ABHD2: variants seen among roughly 807,000 people sequenced by gnomAD.
ABHD2 encodes abhydrolase domain containing 2, acylglycerol lipase.
In ABHD2, 20 loss-of-function variants were observed where a neutral mutation model predicts 48.1. The observed-to-expected ratio is 0.42, with a 90% confidence interval of 0.29 to 0.60. The LOEUF (loss-of-function observed/expected upper bound fraction) is 0.60. Ranked by LOEUF, ABHD2 falls within the 20% of genes least tolerant of loss-of-function variation. ABHD2 has a pLI of 0.24. For missense variants in ABHD2, 405 were observed against 550.9 expected (o/e 0.74, Z 2.65); for synonymous variants, 209 against 214.2 (o/e 0.98, Z 0.21).
chr15:89,150,370 T>C (rs998790221), intron 3 of ABHD2, among the ~76,000 whole-genome samples: 1 of 152,226 alleles, frequency 6.6e-6, no homozygotes, highest in African/African-American at 2.4e-5. Flanking sequence ...ATTGACATTT[T>C]TATAAGCTTG....
intron 10 of ABHD2, among the ~76,000 whole-genome samples, chr15:89,194,800 A>G (rs2238307): frequency 0.37 from 56,245 of 152,046 alleles, 10,687 homozygotes; most frequent in Non-Finnish European, 0.4. Flanking sequence ...GTTAGGAAAC[A>G]CATTGAATCA....
At chr15:89,138,710 A>G (rs997596907) in intron 3 of ABHD2, among the ~76,000 whole-genome samples, 10 of 152,248 alleles carry the variant, frequency 6.6e-5, no homozygotes, top group African/African-American at 2.4e-4. Context: ...TATTTAATAT[A>G]GAACATTTTG....
At chr15:89,086,682 G>A (rs192175149), upstream of ABHD2, among the ~76,000 whole-genome samples, 344 of 152,322 alleles carry the variant, frequency 2.3e-3, 1 homozygote, top group African/African-American at 7.8e-3. Flanking sequence ...GATTACAGGC[G>A]TGAGCCACTG....
At chr15:89,049,825 T>C in the ABHD2 span, among the ~76,000 whole-genome samples, 3 of 152,182 alleles carry the variant, frequency 2.0e-5, no homozygotes, top group African/African-American at 4.8e-5. Flanking sequence ...GTACCTCAGA[T>C]GGAAATGCAG....
Position 89,195,110 on chromosome 15 carries a change from G to A in ABHD2, c.1082-117G>A. 8.8e-7 allele frequency: 1 copy of A among 1,131,044 alleles called. No individual in the cohort carries two copies. Among genetic ancestry groups the A allele is most frequent in the Non-Finnish European group, 1.3e-6 (1 of 794,854 alleles). 70.1% of individuals were successfully genotyped at this position (1,131,044 alleles called of 1,614,324 possible). ...AAGGCAGAGTGAGTAGAGGTTGGAT[G>A]CCCACTTAGGTGACCCTGCGGGGAC... On this transcript the variant is annotated intron_variant, in intron 10 of 10. Transcript: ENST00000352732. The surrounding 1 kb of genome is among the most constrained non-coding windows in gnomAD (Gnocchi z 5.1).
intron 3 of ABHD2, among the ~76,000 whole-genome samples, chr15:89,117,055 T>C (rs2049971953): frequency 6.6e-6 from 1 of 152,176 alleles, no homozygotes; most frequent in Non-Finnish European, 1.5e-5. Flanking sequence ...AGATAGAGTC[T>C]TGCTCAGTCA....
At chr15:89,095,803 A>G (rs2049603322) in intron 1 of ABHD2, among the ~76,000 whole-genome samples, 1 of 152,166 alleles carries the variant, frequency 6.6e-6, no homozygotes, top group Admixed American at 6.5e-5. Context: ...ATTAGATTAC[A>G]AACTCAGACG....
intron 3 of ABHD2, among the ~76,000 whole-genome samples, chr15:89,124,797 C>G (rs1037868587): frequency 2.0e-5 from 3 of 151,996 alleles, no homozygotes; most frequent in African/African-American, 4.8e-5. Context: ...ACTAAAAATA[C>G]AAAAATTAGG....
At chr15:89,072,870 T>TGC in the ABHD2 span, among the ~76,000 whole-genome samples, 1 of 152,166 alleles carries the variant, frequency 6.6e-6, no homozygotes, top group Admixed American at 6.6e-5. Flanking sequence ...AAATTTGAAA[T>TGC]TCAGATAAAC....
chr15:89,146,249 A>G lies in ABHD2; in HGVS notation c.195-5428A>G, dbSNP rs2050488745. ...TACCATAAGGAAGAACTGGTCACCC[A>G]CTGGTTTAAGGCAAAGATGAGCATC... On this transcript the variant is annotated intron_variant, in intron 3 of 10. Coordinates refer to ENST00000352732, the MANE Select transcript of ABHD2 (RefSeq NM_152924.5). The surrounding 1 kb of genome is among the most constrained non-coding windows in gnomAD (Gnocchi z 4.2). Among the ~76,000 whole-genome samples, 1 of 152,184 alleles carries G rather than the reference A, an allele frequency of 6.6e-6. No homozygotes were observed. Among genetic ancestry groups the G allele is most frequent in the Admixed American group, 6.5e-5 (1 of 15,284 alleles).
chr15:89,160,685 C>G (rs953438784), intron 5 of ABHD2, among the ~76,000 whole-genome samples: 1 of 152,208 alleles, frequency 6.6e-6, no homozygotes, highest in Non-Finnish European at 1.5e-5. Flanking sequence ...GTGTCTCCAT[C>G]ATTATGGTCC....
intron 3 of ABHD2, among the ~76,000 whole-genome samples, chr15:89,148,934 A>T (rs2050543563): frequency 6.6e-6 from 1 of 152,150 alleles, no homozygotes; most frequent in Non-Finnish European, 1.5e-5. Context: ...AAACCATGTG[A>T]CTGGGCACCT....
chr15:89,151,947 T>C lies in ABHD2; in HGVS notation c.370+95T>C. On this transcript the variant is annotated intron_variant, in intron 4 of 10. Coordinates refer to ENST00000352732, the MANE Select transcript of ABHD2 (RefSeq NM_152924.5). This position sits in a 1 kb window ranked among gnomAD's most constrained non-coding sequence, Gnocchi z 4.7. Reference sequence around the variant, plus strand: ...CAGTGTGAATACTTGTGCCACTGACTCTGCCCATGGCATCAGGGGCTGTTG... The same window carrying C: ...CAGTGTGAATACTTGTGCCACTGACCCTGCCCATGGCATCAGGGGCTGTTG... 7.5e-6 allele frequency: 11 copies of C among 1,471,580 alleles called. No individual in the cohort carries two copies. The highest frequency in any genetic ancestry group is 1.0e-5 in the Non-Finnish European group (11 of 1,091,900). 91.2% of individuals were successfully genotyped at this position (1,471,580 alleles called of 1,614,324 possible).
At position 89,164,049 on chromosome 15, in the gene ABHD2, A is replaced by C. The variant is rs958412292; in HGVS notation, c.538+8515A>C. ...TAGGCTTAAGGCAAAAGAGCATCCA[A>C]GAGCATCTCAGAGCCACAGAATTGG... On this transcript the variant is annotated intron_variant, in intron 5 of 10. Transcript: ENST00000352732. This position sits in a 1 kb window ranked among gnomAD's most constrained non-coding sequence, Gnocchi z 5.0. Among the ~76,000 whole-genome samples, 1 of 152,242 alleles carries C rather than the reference A, an allele frequency of 6.6e-6. No individual in the cohort carries two copies. The highest frequency in any genetic ancestry group is 1.5e-5 in the Non-Finnish European group (1 of 68,056).
At position 89,194,817 on chromosome 15, in the gene ABHD2, G is replaced by T. The variant is rs556505814; in HGVS notation, c.1082-410G>T. 7.9e-5 allele frequency among the ~76,000 whole-genome samples: 12 copies of T among 152,260 alleles called. 1 individual carries two copies. The highest frequency in any genetic ancestry group is 2.9e-4 in the African/African-American group (12 of 41,540). On this transcript the variant is annotated intron_variant, in intron 10 of 10. Transcript: ENST00000352732. ...TAGGAAACACATTGAATCACCTGGG[G>T]AGCTTGAGCAATACCAACACTTGGG... is the stretch of plus-strand genomic sequence containing the variant.
intron 5 of ABHD2, among the ~76,000 whole-genome samples, chr15:89,157,148 C>T (rs1026966830): frequency 2.6e-5 from 4 of 152,170 alleles, no homozygotes; most frequent in Non-Finnish European, 5.9e-5. Flanking sequence ...CTTTGTAGGA[C>T]ATATGAATTA....
rs1414410179 is a variant in ABHD2, at chr15:89,201,081, T to C, written c.*5658T>C. ...TGGGCAACAAGAGTGAGACTCCGTC[T>C]CCAAAAAAAGAAAAGGAATCCAGTG... is the stretch of plus-strand genomic sequence containing the variant. On this transcript the variant is annotated 3_prime_UTR_variant, in exon 11 of 11. Transcript: ENST00000352732. 1.1e-6 allele frequency: 1 copy of C among 897,054 alleles called. No homozygotes were observed. The highest frequency in any genetic ancestry group is 1.7e-5 in the African/African-American group (1 of 60,434). 55.6% of individuals were successfully genotyped at this position (897,054 alleles called of 1,614,324 possible). A position where few individuals can be genotyped will look rare whatever the true frequency, so the allele number is the denominator to read the frequency against.
At chr15:89,076,986 G>T in the ABHD2 span, among the ~76,000 whole-genome samples, 1 of 152,250 alleles carries the variant, frequency 6.6e-6, no homozygotes, top group African/African-American at 2.4e-5. Flanking sequence ...GTTCTATTTT[G>T]CTTTCTTGTT....
Position 89,174,403 on chromosome 15 carries a change from G to T in ABHD2, c.539-1409G>T, listed in dbSNP as rs2050977278. 6.6e-6 allele frequency among the ~76,000 whole-genome samples: 1 copy of T among 152,158 alleles called. No individual in the cohort carries two copies. Among genetic ancestry groups the T allele is most frequent in the African/African-American group, 2.4e-5 (1 of 41,434 alleles). On this transcript the variant is annotated intron_variant, in intron 5 of 10. Transcript: ENST00000352732. This position sits in a 1 kb window ranked among gnomAD's most constrained non-coding sequence, Gnocchi z 4.1. Reference sequence around the variant, plus strand: ...CCATCTTACAGAATCAGCTTCTCTGGAGTTGAGGCCCAGGAATGGTCATTT... The same window carrying T: ...CCATCTTACAGAATCAGCTTCTCTGTAGTTGAGGCCCAGGAATGGTCATTT...
Sources: gnomAD v4.1 joint callset for allele counts (sites outside exome capture counted in the v4.1 genomes callset) on GRCh38, gnomAD v4.1.1 for gene constraint, Gnocchi (gnomAD v3.1) non-coding constraint, MANE v1.5 for transcripts, NCBI Gene and HGNC (gene_info 2026-07-23, HGNC 2026-07-21) for gene names.